Variants in ERAP1 observed in about 807,000 individuals in gnomAD.
ERAP1 encodes endoplasmic reticulum aminopeptidase 1.
Under a neutral mutation model 103.7 loss-of-function variants are expected in ERAP1, and 86 were observed. The observed-to-expected ratio is 0.83, with a 90% CI of 0.70 to 0.99. The LOEUF is 0.99. Among genes scored for constraint, ERAP1 ranks in the 50% least tolerant of loss-of-function variants. The pLI is 0.00. For missense variants in ERAP1, 1,009 were observed against 1,128.4 expected, an observed-to-expected ratio of 0.89 and a Z score of 1.52; for synonymous variants, 398 against 402.4, an observed-to-expected ratio of 0.99 and a Z score of 0.13.
rs1775095606 is a variant in ERAP1 at position 96,781,052 on chromosome 5, A to T, written c.2588+6T>A. ...CAGTCACAGCACAATTTTTGGCACC[A>T]CTTACTTTTGTACAAGTTTGTTCCA... On this transcript the variant is annotated splice_donor_region_variant and intron_variant, in intron 17 of 18. Transcript: ENST00000443439. 2 of 1,613,868 alleles carry T rather than the reference A, an allele frequency of 1.2e-6. No homozygotes were observed. The highest frequency in any genetic ancestry group is 2.7e-5 in the African/African-American group (2 of 74,862).
chr5:96,907,796 T>C, the ERAP1 span, among the ~76,000 whole-genome samples: 3 of 151,968 alleles, frequency 2.0e-5, no homozygotes, highest in African/African-American at 7.3e-5. Flanking sequence ...GGCAGGAGAA[T>C]TGCTTGAACC....
At chr5:96,929,154 A>C in the ERAP1 span, among the ~76,000 whole-genome samples, 1 of 152,336 alleles carries the variant, frequency 6.6e-6, no homozygotes, top group Non-Finnish European at 1.5e-5. Flanking sequence ...CAAACAGTGC[A>C]CTTGGATCTC....
At chr5:96,915,745 T>G in the ERAP1 span, 1 of 1,601,924 alleles carries the variant, frequency 6.2e-7, no homozygotes, top group Non-Finnish European at 8.5e-7. Flanking sequence ...CAGCTCACTT[T>G]TCTTCCAAGG....
the ERAP1 span, among the ~76,000 whole-genome samples, chr5:96,852,223 T>G: frequency 6.6e-6 from 1 of 152,188 alleles, no homozygotes; most frequent in African/African-American, 2.4e-5. Flanking sequence ...CTCAGGATCA[T>G]GAAATCTGGC....
the ERAP1 span, chr5:96,892,555 T>C: frequency 7.3e-7 from 1 of 1,377,308 alleles, no homozygotes; most frequent in Non-Finnish European, 9.9e-7. Context: ...CATTTACCTC[T>C]AGAGGGGAAC....
the ERAP1 span, among the ~76,000 whole-genome samples, chr5:96,908,785 G>C: frequency 1.3e-5 from 2 of 152,132 alleles, no homozygotes. Flanking sequence ...AGAGAGGTTT[G>C]GTAATTTGTC....
chr5:96,878,760 T>G, the ERAP1 span, among the ~76,000 whole-genome samples: 1 of 152,012 alleles, frequency 6.6e-6, no homozygotes, highest in Non-Finnish European at 1.5e-5. Context: ...AAACCCCGTC[T>G]CTACTAAAAA....
chr5:96,889,796 T>C, the ERAP1 span, among the ~76,000 whole-genome samples: 2 of 151,260 alleles, frequency 1.3e-5, no homozygotes, highest in African/African-American at 2.4e-5. Context: ...CCCAGCAGCA[T>C]TGATTAGAGA....
At chr5:96,933,563 A>G in the ERAP1 span, among the ~76,000 whole-genome samples, 4 of 151,272 alleles carry the variant, frequency 2.6e-5, no homozygotes, top group South Asian at 8.3e-4. Context: ...TCGCTAGTGC[A>G]TTTTTTTTTA....
At position 96,775,018 on chromosome 5, in the gene ERAP1, A is replaced by AGAG. The variant is rs1773878335; in HGVS notation, c.*1375_*1377dup. 33 of 985,350 alleles carry AGAG rather than the reference A, an allele frequency of 3.3e-5. No homozygotes were observed. The highest frequency in any genetic ancestry group is 3.6e-5 in the Non-Finnish European group (30 of 829,898). 61.0% of individuals were successfully genotyped at this position (985,350 alleles called of 1,614,324 possible). On this transcript the variant is annotated 3_prime_UTR_variant, in exon 19 of 19. Transcript: ENST00000443439. ...CCAGGTGTGAGGATTTCCGCACCTTAGAGTCAGCGCAAAACACGCTGCAAC... is the reference window on the plus strand; with the variant it reads ...CCAGGTGTGAGGATTTCCGCACCTTAGAGGAGTCAGCGCAAAACACGCTGCAAC...
chr5:96,786,110 C>G, intron 12 of ERAP1, 139 bp from the exon 13 acceptor site: 2 of 787,520 alleles, frequency 2.5e-6, no homozygotes, highest in Non-Finnish European at 4.2e-6. Flanking sequence ...CTCTCAGAAA[C>G]CAGAAAACAG....
chr5:96,900,602 A>G, the ERAP1 span, among the ~76,000 whole-genome samples: 3 of 152,196 alleles, frequency 2.0e-5, no homozygotes, highest in African/African-American at 7.2e-5. Context: ...AAAGAAAGTC[A>G]TCACAGGGGA....
At chr5:96,824,149 G>A in the ERAP1 span, among the ~76,000 whole-genome samples, 1 of 152,160 alleles carries the variant, frequency 6.6e-6, no homozygotes, top group Non-Finnish European at 1.5e-5. Flanking sequence ...TAATATTTTT[G>A]GACAGAGATT....
chr5:96,934,326 T>C, the ERAP1 span: 1 of 152,232 alleles, frequency 6.6e-6, no homozygotes, highest in African/African-American at 2.4e-5. Context: ...AAGGGTTCTT[T>C]GCAGAGGTGA....
chr5:96,812,828 A>G (rs1237747546), upstream of ERAP1, among the ~76,000 whole-genome samples: 1 of 152,342 alleles, frequency 6.6e-6, no homozygotes, highest in African/African-American at 2.4e-5. Context: ...TCATCCATAC[A>G]TGGCAGTGTG....
chr5:96,820,821 A>G, the ERAP1 span, among the ~76,000 whole-genome samples: 1 of 152,134 alleles, frequency 6.6e-6, no homozygotes, highest in East Asian at 1.9e-4. Flanking sequence ...CATAGTAATA[A>G]CTTCTAATTT....
chr5:96,862,704 C>CA, the ERAP1 span, among the ~76,000 whole-genome samples: 1 of 152,148 alleles, frequency 6.6e-6, no homozygotes, highest in East Asian at 1.9e-4. Context: ...TTCTTGATGG[C>CA]AACAGGGTAA....
chr5:96,819,650 T>G, the ERAP1 span, among the ~76,000 whole-genome samples: 3 of 152,202 alleles, frequency 2.0e-5, no homozygotes, highest in Non-Finnish European at 4.4e-5. Flanking sequence ...TTCCTAGGAT[T>G]GTTTTTTTAC....
At chr5:96,814,140 G>A in the ERAP1 span, 2 of 429,542 alleles carry the variant, frequency 4.7e-6, no homozygotes, top group African/African-American at 4.0e-5. Flanking sequence ...CCAGCAGAAG[G>A]GAAGGATCTG....
Sources: gnomAD v4.1 joint callset for allele counts (sites outside exome capture counted in the v4.1 genomes callset) on GRCh38, gnomAD v4.1.1 for gene constraint, MANE v1.5 for transcripts, NCBI Gene and HGNC (gene_info 2026-07-23, HGNC 2026-07-21) for gene names.